RYR1: variants seen among roughly 807,000 people sequenced by gnomAD.
RYR1 encodes ryanodine receptor 1.
In RYR1, 342 loss-of-function variants were observed where a neutral mutation model predicts 583.5. The observed-to-expected ratio is 0.59, with a 90% CI of 0.54 to 0.64. RYR1 has a LOEUF of 0.64. RYR1 is among the 30% of genes least tolerant of loss of function. The probability of loss-of-function intolerance (pLI) is 0.00; values close to 1 mark genes in which losing one functional copy is unlikely to be tolerated. For synonymous variants in RYR1, 2,791 were observed against 2,822.5 expected, an observed-to-expected ratio of 0.99 and a Z score of 0.35; for missense variants, 6,032 against 6,917.2, an observed-to-expected ratio of 0.87 and a Z score of 4.54.
intron 7 of RYR1, 91 bp from the exon 8 acceptor site, chr19:38,446,381 G>T: frequency 1.0e-6 from 1 of 954,236 alleles, no homozygotes. Context: ...GGTTCCCCCA[G>T]GGGAGGAGCA....
At chr19:38,511,994 T>C in intron 61 of RYR1, 78 bp from the exon 62 acceptor site, 1 of 1,502,208 alleles carries the variant, frequency 6.7e-7, no homozygotes, top group Non-Finnish European at 9.1e-7. Flanking sequence ...AAGAGAGCGG[T>C]TGGGGTGGAT....
intron 27 of RYR1, among the ~76,000 whole-genome samples, chr19:38,471,645 A>G (rs577025579): frequency 1.5e-4 from 23 of 152,230 alleles, no homozygotes; most frequent in African/African-American, 5.1e-4. Flanking sequence ...TCATGCCTGT[A>G]ATCCCAGCAG....
chr19:38,524,440 C>A (rs949586964), intron 70 of RYR1, among the ~76,000 whole-genome samples: 8 of 152,156 alleles, frequency 5.3e-5, no homozygotes, highest in Non-Finnish European at 8.8e-5. Context: ...CAGCCAGCAG[C>A]CCCCACCCCA....
Position 38,528,622 on chromosome 19 carries a change from T to C in RYR1, c.10961T>C (p.Leu3654Pro), listed in dbSNP as rs1971589927. 1.2e-6 allele frequency: 2 copies of C among 1,614,168 alleles called. No homozygotes were observed. Among genetic ancestry groups the C allele is most frequent in the South Asian group, 1.1e-5 (1 of 91,078 alleles). ...AGGCACCGGGCATGTAACATGTTCCTGGAGAGCTACAAGGCTGCATGGATC... is the reference window on the plus strand; with the variant it reads ...AGGCACCGGGCATGTAACATGTTCCCGGAGAGCTACAAGGCTGCATGGATC... ...LPTHRACNMF[L>P]ESYKAAWILT... The change falls in exon 75 of 106, where the codon CTG becomes CCG. Residue 3654 changes from leucine to proline, a missense_variant. By Grantham distance (98) the Leu-to-Pro change is moderately conservative. Around this residue, in one of 11 missense-constraint regions of RYR1, gnomAD observed 1,493 missense variants for 1,715.5 expected, o/e 0.87. Coordinates refer to ENST00000359596, the MANE Select transcript of RYR1 (RefSeq NM_000540.3).
At chr19:38,535,432 G>A in intron 81 of RYR1, 40 bp downstream of exon 81, 1 of 1,470,958 alleles carries the variant, frequency 6.8e-7, no homozygotes, top group Non-Finnish European at 9.5e-7. Flanking sequence ...GCTGTGTTTG[G>A]TGCCACTGCC....
intron 19 of RYR1, 29 bp downstream of exon 19, chr19:38,459,367 G>T (rs1600688525): frequency 1.2e-6 from 2 of 1,608,994 alleles, no homozygotes; most frequent in African/African-American, 2.7e-5. Context: ...CCCACGGCCA[G>T]TCCTCAGACC....
intron 65 of RYR1, 69 bp downstream of exon 65, chr19:38,516,286 C>T: frequency 6.6e-7 from 1 of 1,515,858 alleles, no homozygotes; most frequent in South Asian, 1.2e-5. Flanking sequence ...TGGGGAGACC[C>T]TAATTTGGGG....
At position 38,528,433 on chromosome 19, in the gene RYR1, G is replaced by A. The variant is rs764207689; in HGVS notation, c.10937+15G>A. 1.9e-6 allele frequency: 3 copies of A among 1,612,996 alleles called. No homozygotes were observed. The highest frequency in any genetic ancestry group is 2.5e-6 in the Non-Finnish European group (3 of 1,179,066). On this transcript the variant is annotated intron_variant, in intron 74 of 105. Coordinates refer to ENST00000359596, the MANE Select transcript of RYR1 (RefSeq NM_000540.3). ...AACCTGCCCACGTAAGGCCCCCAGGGACAAGGGAAGCGTGAAGGGCTGCGG... is the reference window on the plus strand; with the variant it reads ...AACCTGCCCACGTAAGGCCCCCAGGAACAAGGGAAGCGTGAAGGGCTGCGG...
chr19:38,537,848 C>T (rs1163957233), intron 83 of RYR1, 32 bp from the exon 84 acceptor site: 2 of 1,606,992 alleles, frequency 1.2e-6, no homozygotes, highest in African/African-American at 2.7e-5. Context: ...CATCTGACCC[C>T]TCCTGGGCCC....
intron 91 of RYR1, among the ~76,000 whole-genome samples, chr19:38,566,397 C>G (rs1352308150): frequency 8.1e-6 from 1 of 124,114 alleles, no homozygotes. Context: ...TGCAGTGAGC[C>G]AAGATGGTGC....
Position 38,459,076 on chromosome 19 carries a change from C to T in RYR1, c.2168-70C>T. The T allele has an allele frequency of 4.4e-6, 6 of 1,360,108 alleles. No homozygotes were observed. In the South Asian group the frequency reaches 7.0e-5, roughly 16 times the overall value. 84.3% of individuals were successfully genotyped at this position (1,360,108 alleles called of 1,614,324 possible). On this transcript the variant is annotated intron_variant, in intron 18 of 105. Coordinates refer to ENST00000359596, the MANE Select transcript of RYR1 (RefSeq NM_000540.3). ...CTCCACAGGAGCCTCCAATATCTGT[C>T]CCTTTTCTCTTGTTATCATTGGTTC...
chr19:38,507,257 G>A (rs1025342529), intron 57 of RYR1, among the ~76,000 whole-genome samples: 2 of 151,236 alleles, frequency 1.3e-5, no homozygotes, highest in Admixed American at 6.6e-5. Context: ...GGCGGGGACC[G>A]GTGATTGGAG....
Position 38,489,336 on chromosome 19 carries a change from A to C in RYR1, c.5707A>C (p.Lys1903Gln). The change falls in exon 35 of 106, where the codon AAG (lysine) becomes CAG (glutamine). Residue 1903 changes from lysine (K) to glutamine (Q), a missense_variant. Transcript: ENST00000359596. ...GGATGAGGAGGAAACAGCACAGGAA[A>C]AGGAAGATGAGGAAAAAGAGGAAGA... ...EEDEEETAQE[K>Q]EDEEKEEEEA... The C allele has an allele frequency of 6.2e-7, 1 of 1,609,742 alleles. No individual in the cohort carries two copies. Among genetic ancestry groups the C allele is most frequent in the Non-Finnish European group, 8.5e-7 (1 of 1,176,110 alleles).
At position 38,573,152 on chromosome 19, in the gene RYR1, C is replaced by T. The variant is rs769936556; in HGVS notation, c.13999-25C>T. 1.9e-6 allele frequency: 3 copies of T among 1,613,318 alleles called. No individual in the cohort carries two copies. In the East Asian group the frequency reaches 6.7e-5, roughly 36 times the overall value. On this transcript the variant is annotated intron_variant, in intron 95 of 105. Coordinates refer to ENST00000359596, the MANE Select transcript of RYR1 (RefSeq NM_000540.3). ...GTCCAGCCAAGGTGCCTGACGCCCA[C>T]CTTTGGCCTCCTCCCACTATCCAGG...
In RYR1 at chr19:38,565,486, C is replaced by T. The variant is rs769515592; in HGVS notation, c.13152C>T (p.Pro4384=). ...TGACCGAGCTCCTGGCAGGCATGCCCGACCCCACCAGCGACGAGGTGCACG... is the reference window on the plus strand; with the variant it reads ...TGACCGAGCTCCTGGCAGGCATGCCTGACCCCACCAGCGACGAGGTGCACG... ...VTVTELLAGM[P]DPTSDEVHGE... is the part of the protein sequence containing the mutation. Residue 4384 remains proline, a synonymous_variant, in exon 91 of 106, where the codon CCC becomes CCT. Coordinates refer to ENST00000359596, the MANE Select transcript of RYR1 (RefSeq NM_000540.3). The surrounding 1 kb of genome is among the most constrained non-coding windows in gnomAD (Gnocchi z 4.7). 11 of 1,505,572 alleles carry T rather than the reference C, an allele frequency of 7.3e-6. No individual in the cohort carries two copies. Among genetic ancestry groups the T allele is most frequent in the East Asian group, 2.7e-5 (1 of 37,060 alleles). 93.3% of individuals were successfully genotyped at this position (1,505,572 alleles called of 1,614,324 possible).
chr19:38,492,540 G>T lies in RYR1; in HGVS notation c.6178G>T (p.Gly2060Cys), dbSNP rs35364374. The part of the protein sequence containing the change: ...EEEPEEETTL[G>C]SRLMSLLEKV... ...GGAACCAGAGGAAGAGACCACCCTGGGCAGCCGCCTCATGAGCCTGTTGGA... is the reference window on the plus strand; with the variant it reads ...GGAACCAGAGGAAGAGACCACCCTGTGCAGCCGCCTCATGAGCCTGTTGGA... The change falls in exon 38 of 106, where the codon GGC becomes TGC. Residue 2060 changes from glycine to cysteine, a missense_variant. Around this residue, in one of 11 missense-constraint regions of RYR1, gnomAD observed 2,627 missense variants for 2,961.3 expected, o/e 0.89. Transcript: ENST00000359596. The T allele has an allele frequency of 0.067, 107,691 of 1,614,032 alleles. 4,446 individuals carry two copies. Among genetic ancestry groups the T allele is most frequent in the South Asian group, 0.15 (13,968 of 91,080 alleles).
Position 38,504,339 on chromosome 19 carries a change from C to A in RYR1, c.8046C>A (p.Ile2682=). Residue 2682 remains isoleucine, a synonymous_variant, in exon 50 of 106, where the codon ATC becomes ATA. Transcript: ENST00000359596. ...TCACACGGAAACTCTTCTGGGGCAT[C>A]TTTGACTCTCTGGCCCATAAGGTCT... is the stretch of plus-strand genomic sequence containing the variant. ...LHLTRKLFWG[I]FDSLAHKKYD... 6.2e-7 allele frequency: 1 copy of A among 1,614,162 alleles called. No individual in the cohort carries two copies. Among genetic ancestry groups the A allele is most frequent in the Non-Finnish European group, 8.5e-7 (1 of 1,180,036 alleles).
At chr19:38,519,570 C>T in intron 67 of RYR1, 116 bp downstream of exon 67, 1 of 1,218,028 alleles carries the variant, frequency 8.2e-7, no homozygotes, top group Non-Finnish European at 1.2e-6. Flanking sequence ...CTGGCCCCAC[C>T]AACCTTCTGA....
rs145121064 is a variant in RYR1 at position 38,561,427 on chromosome 19, C to T, written c.12597C>T (p.Thr4199=). 4 of 1,610,150 alleles carry T rather than the reference C, an allele frequency of 2.5e-6. No individual in the cohort carries two copies. Among genetic ancestry groups the T allele is most frequent in the African/African-American group, 1.3e-5 (1 of 74,912 alleles). ...IERIYFEISE[T]NRAQWEMPQV... is the part of the protein sequence containing the mutation. Reference sequence around the variant, plus strand: ...GCATCTACTTCGAGATCTCAGAGACCAACCGCGCCCAGTGGGAGATGCCCC... The same window carrying T: ...GCATCTACTTCGAGATCTCAGAGACTAACCGCGCCCAGTGGGAGATGCCCC... The change falls in exon 90 of 106, where the codon ACC becomes ACT. Residue 4199 remains threonine (T), a synonymous_variant. Transcript: ENST00000359596. The surrounding 1 kb of genome is among the most constrained non-coding windows in gnomAD (Gnocchi z 4.8).
Sources: allele counts gnomAD v4.1 joint callset (sites outside exome capture counted in the v4.1 genomes callset), GRCh38; gene constraint gnomAD v4.1.1; regional missense constraint gnomAD v4.1.1; non-coding constraint Gnocchi (gnomAD v3.1); transcripts MANE v1.5; gene names NCBI Gene and HGNC (gene_info 2026-07-23, HGNC 2026-07-21).